The following ZP2 variants were observed in gnomAD, a reference collection of about 807,000 sequenced individuals.
ZP2 encodes the protein zona pellucida glycoprotein 2.
In ZP2, 51 loss-of-function variants were observed where a neutral mutation model predicts 84.0. The observed-to-expected ratio is 0.61, with a 90% CI of 0.49 to 0.77. The LOEUF (loss-of-function observed/expected upper bound fraction) is 0.77. Among genes scored for constraint, ZP2 ranks in the 30% least tolerant of loss-of-function variants. ZP2 has a pLI of 0.00. For missense variants in ZP2, 909 were observed against 911.9 expected, an observed-to-expected ratio of 1.00 and a Z score of 0.04; for synonymous variants, 375 against 330.9, an observed-to-expected ratio of 1.13 and a Z score of -1.45.
intron 2 of ZP2, among the ~76,000 whole-genome samples, chr16:21,210,456 A>C (rs1567217628): frequency 6.6e-6 from 1 of 152,198 alleles, no homozygotes; most frequent in Non-Finnish European, 1.5e-5. Context: ...TGTAGGAGCC[A>C]GGTCAACACC....
intron 17 of ZP2, among the ~76,000 whole-genome samples, chr16:21,198,338 T>A (rs532735447): frequency 6.6e-6 from 1 of 152,186 alleles, no homozygotes; most frequent in East Asian, 1.9e-4. Context: ...GAGGTTGCAG[T>A]GAGCCAAGAT....
At position 21,201,552 on chromosome 16, in the gene ZP2, G is replaced by A. The variant is rs202104941; in HGVS notation, c.1511C>T (p.Ser504Phe). 6.2e-7 allele frequency: 1 copy of A among 1,605,654 alleles called. No homozygotes were observed. Among genetic ancestry groups the A allele is most frequent in the Admixed American group, 1.7e-5 (1 of 59,442 alleles). The change falls in exon 14 of 19, where the codon TCC becomes TTC. Residue 504 changes from serine to phenylalanine, a missense_variant. By Grantham distance (155) the Ser-to-Phe change is radical (BLOSUM62 -2). Coordinates refer to ENST00000574091, the MANE Select transcript of ZP2 (RefSeq NM_001376232.1). ...GTTTTCCCCATAAGGTTGTTGGTAG[G>A]AATTATCTGAAATTGAATGGTATTC... is the stretch of plus-strand genomic sequence containing the variant. Reference protein sequence around the residue: ...TLILQSYPDNSYQQPYGENEY... With the variant: ...TLILQSYPDNFYQQPYGENEY...
intron 16 of ZP2, 120 bp downstream of exon 16, chr16:21,199,450 A>T: frequency 2.2e-6 from 2 of 911,070 alleles, no homozygotes; most frequent in South Asian, 4.2e-5. Context: ...TGACTGGGCC[A>T]ACAAGAGCTC....
At chr16:21,211,863 C>T (rs2152857011), upstream of ZP2, 1 of 1,052,990 alleles carries the variant, frequency 9.5e-7, no homozygotes, top group Admixed American at 3.2e-5. Flanking sequence ...TTTACAACTG[C>T]AATGTAGAGC....
chr16:21,202,104 C>T lies in ZP2; in HGVS notation c.1287G>A (p.Lys429=), dbSNP rs978583325. The change falls in exon 11 of 19, where the codon AAG becomes AAA. Residue 429 remains lysine, a splice_region_variant and synonymous_variant. Transcript: ENST00000574091. ...IPLNGCGTRY[K]FEDDKVVYEN... ...CCTCGTGCCATCTGCCAGTACTAAC[C>T]TTATATCTCGTTCCACATCCATTCA... The T allele has an allele frequency of 2.5e-6, 4 of 1,613,372 alleles. No homozygotes were observed. The highest frequency in any genetic ancestry group is 1.7e-6 in the Non-Finnish European group (2 of 1,179,620).
intron 4 of ZP2, 115 bp downstream of exon 4, chr16:21,209,516 C>T: frequency 4.7e-6 from 4 of 842,958 alleles, no homozygotes; most frequent in South Asian, 1.6e-5. Flanking sequence ...GACACCACCC[C>T]CTTGGTTGAG....
chr16:21,210,798 C>T (rs1198184962), intron 2 of ZP2, among the ~76,000 whole-genome samples: 1 of 151,958 alleles, frequency 6.6e-6, no homozygotes, highest in Non-Finnish European at 1.5e-5. Flanking sequence ...TGGTCTCAAA[C>T]TCCTGAGCTC....
chr16:21,201,937 C>A lies in ZP2; in HGVS notation c.1374G>T (p.Glu458Asp). 2 of 1,613,912 alleles carry A rather than the reference C, an allele frequency of 1.2e-6. No homozygotes were observed. Among genetic ancestry groups the A allele is most frequent in the Non-Finnish European group, 8.5e-7 (1 of 1,179,844 alleles). The stretch of plus-strand genomic sequence containing the variant: ...AAATAGCAATTTTATCTCACCTGAA[C>A]TCACTGTCTCTAGATATTTTGCTTG... ...FPPSKISRDS[E>D]FRMTVKCSYS... Residue 458 changes from glutamate to aspartate, a missense_variant, in exon 12 of 19, where the codon GAG (glutamate) becomes GAT (aspartate). Physicochemically the swap from Glu to Asp is conservative, Grantham distance 45 (BLOSUM62 2). Transcript: ENST00000574091.
At chr16:21,206,199 G>A (rs553612956) in intron 5 of ZP2, among the ~76,000 whole-genome samples, 29 of 152,114 alleles carry the variant, frequency 1.9e-4, no homozygotes, top group Non-Finnish European at 3.7e-4. Flanking sequence ...TTTTCACCAT[G>A]TTGGTCAGGC....
At chr16:21,213,126 C>A (rs900514200), upstream of ZP2, among the ~76,000 whole-genome samples, 2 of 152,146 alleles carry the variant, frequency 1.3e-5, no homozygotes, top group Non-Finnish European at 2.9e-5. Flanking sequence ...CTCACTGCAA[C>A]CTCTGCCTCC....
chr16:21,202,364 G>T, intron 10 of ZP2, 73 bp from the exon 11 acceptor site: 1 of 1,316,322 alleles, frequency 7.6e-7, no homozygotes, highest in Non-Finnish European at 1.0e-6. Flanking sequence ...AACCTGATAT[G>T]CTACGAGGGA....
chr16:21,211,467 C>T lies in ZP2; in HGVS notation c.62+19G>A. The T allele has an allele frequency of 4.3e-6, 7 of 1,614,056 alleles. No homozygotes were observed. The highest frequency in any genetic ancestry group is 4.2e-6 in the Non-Finnish European group (5 of 1,179,960). ...ACAAAGCTACCATACCCCCTCCCTC[C>T]ACTTCCAGAATTACTCACCTCCAGC... On this transcript the variant is annotated intron_variant, in intron 1 of 18. Transcript: ENST00000574091.
In ZP2 at chr16:21,206,862, T is replaced by C; in HGVS notation, c.459A>G (p.Thr153=). ...CAGACATGAAATCCTTCTGGCAGAT[T>C]GTAGATGCTGAAAGCCCCTGGGTCT... is the stretch of plus-strand genomic sequence containing the variant. ...VEETQGLSAS[T]ICQKDFMSFS... is the part of the protein sequence containing the mutation. The change falls in exon 5 of 19, where the codon ACA becomes ACG. Residue 153 remains threonine (T), a synonymous_variant. Coordinates refer to ENST00000574091, the MANE Select transcript of ZP2 (RefSeq NM_001376232.1). 1 of 1,614,158 alleles carries C rather than the reference T, an allele frequency of 6.2e-7. No homozygotes were observed. Among genetic ancestry groups the C allele is most frequent in the Non-Finnish European group, 8.5e-7 (1 of 1,180,010 alleles).
intron 10 of ZP2, among the ~76,000 whole-genome samples, chr16:21,202,780 C>CTG (rs34188172): frequency 0.83 from 126,520 of 151,676 alleles, 53,111 homozygotes; most frequent in East Asian, 1. Context: ...GATATTCACT[C>CTG]TATTTAAGAA....
chr16:21,204,712 C>T (rs2072620), intron 7 of ZP2, among the ~76,000 whole-genome samples: 43,127 of 151,938 alleles, frequency 0.28, 6,345 homozygotes, highest in East Asian at 0.41. Context: ...AGCCTCAATC[C>T]ATTTGTGTTC....
chr16:21,198,560 G>C (rs2093210194), intron 17 of ZP2, among the ~76,000 whole-genome samples: 2 of 152,188 alleles, frequency 1.3e-5, no homozygotes, highest in South Asian at 4.1e-4. Context: ...CCAAGTTCTA[G>C]ATCAGTAGGT....
At chr16:21,206,011 C>T in intron 5 of ZP2, 1 of 548,384 alleles carries the variant, frequency 1.8e-6, no homozygotes, top group Non-Finnish European at 3.3e-6. Context: ...ACACATTTCT[C>T]CCCCCAAGAT....
intron 7 of ZP2, among the ~76,000 whole-genome samples, chr16:21,204,713 A>G (rs772504932): frequency 2.0e-5 from 3 of 152,150 alleles, no homozygotes; most frequent in Non-Finnish European, 2.9e-5. Flanking sequence ...GCCTCAATCC[A>G]TTTGTGTTCT....
At position 21,199,770 on chromosome 16, in the gene ZP2, T is replaced by C. The variant is rs1023726995; in HGVS notation, c.1803A>G (p.Val601=). The C allele has an allele frequency of 6.2e-7, 1 of 1,614,014 alleles. No individual in the cohort carries two copies. Among genetic ancestry groups the C allele is most frequent in the African/African-American group, 1.3e-5 (1 of 74,912 alleles). Residue 601 remains valine, a synonymous_variant, in exon 15 of 19, where the codon GTA becomes GTG. Transcript: ENST00000574091. The part of the protein sequence containing the change: ...QRFDMKAFAF[V]SEAHVLSSLV... Reference sequence around the variant, plus strand: ...GGCTAGAGAGCACGTGGGCTTCTGATACAAAGGCAAAAGCCTTCATGTCAA... The same window carrying C: ...GGCTAGAGAGCACGTGGGCTTCTGACACAAAGGCAAAAGCCTTCATGTCAA...
Sources: allele counts gnomAD v4.1 joint callset (sites outside exome capture counted in the v4.1 genomes callset), GRCh38; gene constraint gnomAD v4.1.1; transcripts MANE v1.5; gene names NCBI Gene and HGNC (gene_info 2026-07-23, HGNC 2026-07-21).